The following ARL15 variants were observed in gnomAD, a reference collection of about 807,000 sequenced individuals.
ARL15 encodes the protein ARF like GTPase 15, also known as ADP-ribosylation factor-like protein 15.
In ARL15, 19 loss-of-function variants were observed where a neutral mutation model predicts 25.2. The observed-to-expected ratio is 0.75, with a 90% CI of 0.53 to 1.10. The LOEUF (loss-of-function observed/expected upper bound fraction) is 1.10, where lower values mean the gene tolerates loss of function less well. Ranked by LOEUF, ARL15 falls within the 50% of genes least tolerant of loss-of-function variation. ARL15 has a pLI of 0.00. For synonymous variants in ARL15, 94 were observed against 86.8 expected, an observed-to-expected ratio of 1.08 and a Z score of -0.46; for missense variants, 220 against 246.0, an observed-to-expected ratio of 0.89 and a Z score of 0.71.
chr5:54,296,793 A>C (rs1300574335), intron 1 of ARL15, among the ~76,000 whole-genome samples: 1 of 152,234 alleles, frequency 6.6e-6, no homozygotes, highest in African/African-American at 2.4e-5. Flanking sequence ...GCAGCCCTGC[A>C]GTGGCCCTGG....
intron 4 of ARL15, among the ~76,000 whole-genome samples, chr5:53,952,466 T>G (rs1191608081): frequency 6.6e-6 from 1 of 152,154 alleles, no homozygotes; most frequent in Non-Finnish European, 1.5e-5. Context: ...ACAAAAGTAA[T>G]TTTTAGCTTA....
At chr5:53,996,548 G>A (rs1469039182) in intron 4 of ARL15, among the ~76,000 whole-genome samples, 3 of 150,744 alleles carry the variant, frequency 2.0e-5, no homozygotes, top group Non-Finnish European at 4.4e-5. Context: ...GAACCCGGGA[G>A]GCGGAGGTTG....
intron 4 of ARL15, among the ~76,000 whole-genome samples, chr5:54,007,165 A>T (rs1401959595): frequency 6.6e-6 from 1 of 152,080 alleles, no homozygotes; most frequent in African/African-American, 2.4e-5. Flanking sequence ...TGATTTCTGG[A>T]AAACAGTTTT....
chr5:53,901,048 T>C (rs1387323283), intron 4 of ARL15, among the ~76,000 whole-genome samples: 1 of 152,196 alleles, frequency 6.6e-6, no homozygotes, highest in African/African-American at 2.4e-5. Flanking sequence ...AGTACACTTG[T>C]CTTTGCATGC....
intron 4 of ARL15, among the ~76,000 whole-genome samples, chr5:53,943,981 G>A (rs956173570): frequency 2.6e-5 from 4 of 152,162 alleles, no homozygotes; most frequent in African/African-American, 7.2e-5. Context: ...GTGGCAGTAA[G>A]GAACAAGAAA....
At chr5:54,041,085 GAAA>G (rs1407724125) in intron 4 of ARL15, among the ~76,000 whole-genome samples, 1 of 152,102 alleles carries the variant, frequency 6.6e-6, no homozygotes, top group African/African-American at 2.4e-5. Context: ...GAAGCCAGGG[GAAA>G]AAGTGAGACA....
chr5:54,240,644 C>A (rs1278947370), intron 1 of ARL15, among the ~76,000 whole-genome samples: 1 of 152,102 alleles, frequency 6.6e-6, no homozygotes, highest in Non-Finnish European at 1.5e-5. Context: ...TTGTGCCAGG[C>A]ACTCAAAAAA....
chr5:54,045,750 G>C (rs1750488504), intron 4 of ARL15, among the ~76,000 whole-genome samples: 1 of 152,170 alleles, frequency 6.6e-6, no homozygotes, highest in Admixed American at 6.5e-5. Context: ...GTTCAGAAAT[G>C]ACTTAGCATT....
chr5:54,289,641 G>C (rs1420345704), intron 1 of ARL15, among the ~76,000 whole-genome samples: 1 of 151,298 alleles, frequency 6.6e-6, no homozygotes, highest in Non-Finnish European at 1.5e-5. Context: ...TCAGTGTTAA[G>C]ACTTTCTGGA....
chr5:53,989,801 A>G (rs1341759856), intron 4 of ARL15, among the ~76,000 whole-genome samples: 3 of 152,210 alleles, frequency 2.0e-5, no homozygotes, highest in Non-Finnish European at 4.4e-5. Context: ...GTGTGAATTA[A>G]TTAGTGTTTA....
At chr5:54,147,012 T>TA (rs1459831066) in intron 3 of ARL15, among the ~76,000 whole-genome samples, 4 of 152,116 alleles carry the variant, frequency 2.6e-5, no homozygotes, top group Admixed American at 6.5e-5. Context: ...TTAGCAAGTG[T>TA]AAAAAACACT....
At chr5:53,928,106 G>A (rs560023032) in intron 4 of ARL15, among the ~76,000 whole-genome samples, 14 of 152,200 alleles carry the variant, frequency 9.2e-5, no homozygotes, top group African/African-American at 2.2e-4. Flanking sequence ...CCAGACTGAC[G>A]GTAACTAACG....
At chr5:53,976,603 T>A (rs1013472020) in intron 4 of ARL15, among the ~76,000 whole-genome samples, 5 of 152,174 alleles carry the variant, frequency 3.3e-5, no homozygotes, top group Non-Finnish European at 7.4e-5. Flanking sequence ...GTCTAGAAGA[T>A]TGCCCCAAGT....
chr5:54,310,316 A>G, intron 1 of ARL15, 116 bp downstream of exon 1: 1 of 1,186,128 alleles, frequency 8.4e-7, no homozygotes, highest in South Asian at 1.6e-5. Context: ...GGGAGAAAGA[A>G]CCCCAGAGGC....
At chr5:54,181,653 G>A (rs959171526) in intron 1 of ARL15, among the ~76,000 whole-genome samples, 2 of 152,218 alleles carry the variant, frequency 1.3e-5, no homozygotes, top group African/African-American at 2.4e-5. Context: ...GAGCTAGGTG[G>A]TCGGGCACAG....
intron 4 of ARL15, among the ~76,000 whole-genome samples, chr5:53,905,115 T>G (rs754917503): frequency 6.6e-6 from 1 of 152,166 alleles, no homozygotes. Context: ...CTGCTCTAAA[T>G]TTCCAGTCAC....
intron 1 of ARL15, among the ~76,000 whole-genome samples, chr5:54,295,230 A>T (rs1758436368): frequency 1.3e-5 from 2 of 152,214 alleles, no homozygotes; most frequent in Admixed American, 6.5e-5. Context: ...TATTAAGTAC[A>T]CATAATTATT....
chr5:54,232,972 A>G (rs35486183), intron 1 of ARL15, among the ~76,000 whole-genome samples: 12,645 of 152,240 alleles, frequency 0.083, 770 homozygotes, highest in African/African-American at 0.16. Context: ...TAATGTCATC[A>G]TACTAAGACA....
chr5:54,146,973 C>T (rs1475941522), intron 3 of ARL15, among the ~76,000 whole-genome samples: 3 of 152,252 alleles, frequency 2.0e-5, no homozygotes, highest in Non-Finnish European at 2.9e-5. Context: ...ATTTATTTGG[C>T]TCTGCTGACT....
Sources: allele counts gnomAD v4.1 joint callset (sites outside exome capture counted in the v4.1 genomes callset), GRCh38; gene constraint gnomAD v4.1.1; transcripts MANE v1.5; gene names NCBI Gene and HGNC (gene_info 2026-07-23, HGNC 2026-07-21).